ARID3B: variants seen among roughly 807,000 people sequenced by gnomAD.
The protein encoded by ARID3B is AT-rich interactive domain-containing protein 3B.
A neutral mutation model predicts 51.9 loss-of-function variants in ARID3B; 10 were observed. The ratio of observed to expected loss-of-function variants is 0.19; its 90% confidence interval spans 0.12 to 0.33. The LOEUF (loss-of-function observed/expected upper bound fraction) is 0.33. ARID3B is among the 10% of genes least tolerant of loss of function. The pLI, the probability that ARID3B is intolerant of heterozygous loss-of-function variation, is 1.00. For missense variants in ARID3B, 483 were observed against 716.3 expected (o/e 0.67, Z 3.72); for synonymous variants, 205 against 279.5 (o/e 0.73, Z 2.66).
rs1306381160 is a variant in ARID3B, at chr15:74,579,866, TGTGTGTGCGC to T, written c.697+6664_697+6673del. On this transcript the variant is annotated intron_variant, in intron 4 of 8. Transcript: ENST00000346246. ...GTGTGTGTGTGTGTGTGTGTGTGTG[TGTGTGTGCGC>T]GCGCGCGCACACGCAAAAAATACAC... Among the ~76,000 whole-genome samples, 216 of 126,730 alleles carry T rather than the reference TGTGTGTGCGC, an allele frequency of 1.7e-3. 2 individuals carry two copies. The highest frequency in any genetic ancestry group is 5.9e-3 in the African/African-American group (174 of 29,684). 83.1% of individuals were successfully genotyped at this position (126,730 alleles called of 152,430 possible).
intron 2 of ARID3B, among the ~76,000 whole-genome samples, chr15:74,571,796 T>C (rs2061719990): frequency 6.6e-6 from 1 of 152,096 alleles, no homozygotes; most frequent in Non-Finnish European, 1.5e-5. Flanking sequence ...AGATAACTGA[T>C]TGGAGGAATA....
At position 74,573,222 on chromosome 15, in the gene ARID3B, C is replaced by A. The variant is rs1301356078; in HGVS notation, c.697+18C>A. On this transcript the variant is annotated intron_variant, in intron 4 of 8. Transcript: ENST00000346246. Reference sequence around the variant, plus strand: ...GAAGAGGGGTGAGTGTGCATCTACTCATCATTCCAATTCAGGGAATACTGA... The same window carrying A: ...GAAGAGGGGTGAGTGTGCATCTACTAATCATTCCAATTCAGGGAATACTGA... The A allele has an allele frequency of 6.2e-7, 1 of 1,611,858 alleles. No homozygotes were observed. The highest frequency in any genetic ancestry group is 2.2e-5 in the East Asian group (1 of 44,870).
At chr15:74,551,495 C>T (rs560651107) in intron 2 of ARID3B, among the ~76,000 whole-genome samples, 2 of 152,308 alleles carry the variant, frequency 1.3e-5, no homozygotes, top group East Asian at 3.9e-4. Context: ...AGGCTAATTT[C>T]TCTACATGTG....
Position 74,597,955 on chromosome 15 carries a change from G to C in ARID3B, c.*2181G>C. ...AGCCAGGGCAGCTCTGTCCCCTCCT[G>C]CTCTCCATCTTATATGTATTCTAAC... On this transcript the variant is annotated 3_prime_UTR_variant, in exon 9 of 9. Transcript: ENST00000346246. 3.8e-6 allele frequency: 2 copies of C among 532,246 alleles called. No homozygotes were observed. The highest frequency in any genetic ancestry group is 7.3e-6 in the Non-Finnish European group (2 of 273,928). The allele number at this position is 532,246 out of a possible 1,614,324, so 33.0% of individuals were successfully genotyped here.
chr15:74,554,523 G>C (rs1029838376), intron 2 of ARID3B, among the ~76,000 whole-genome samples: 1 of 151,690 alleles, frequency 6.6e-6, no homozygotes, highest in African/African-American at 2.4e-5. Flanking sequence ...GGCTGGTCTT[G>C]AACTCCTGAC....
chr15:74,542,140 G>C (rs1464181049), intron 1 of ARID3B, among the ~76,000 whole-genome samples: 1 of 152,246 alleles, frequency 6.6e-6, no homozygotes, highest in Non-Finnish European at 1.5e-5. Flanking sequence ...TGGTTGAGAA[G>C]TTATTCCGAT....
chr15:74,590,112 G>A, intron 5 of ARID3B, 109 bp downstream of exon 5: 2 of 1,293,400 alleles, frequency 1.5e-6, no homozygotes, highest in Non-Finnish European at 2.1e-6. Context: ...CAAGATGAGT[G>A]GATTCCCGAA....
In ARID3B at chr15:74,596,795, GTTTTTT is replaced by G; in HGVS notation, c.*1026_*1031del. 4.6e-6 allele frequency: 1 copy of G among 218,098 alleles called. No homozygotes were observed. The highest frequency in any genetic ancestry group is 9.3e-6 in the Non-Finnish European group (1 of 107,422). The allele number at this position is 218,098 out of a possible 1,614,324, so 13.5% of individuals were successfully genotyped here. A position where few individuals can be genotyped will look rare whatever the true frequency, so the allele number is the denominator to read the frequency against. On this transcript the variant is annotated 3_prime_UTR_variant, in exon 9 of 9. Coordinates refer to ENST00000346246, the MANE Select transcript of ARID3B (RefSeq NM_006465.4). ...TTTTATATGTGTTTTGCTGACTTTT[GTTTTTT>G]TTTTATTTTAAAATTTTTATCGTAG...
intron 8 of ARID3B, 90 bp downstream of exon 8, chr15:74,593,326 T>C: frequency 1.7e-6 from 2 of 1,193,492 alleles, no homozygotes; most frequent in Non-Finnish European, 2.4e-6. Flanking sequence ...ACCCTCTGTC[T>C]GAACACCTCC....
intron 2 of ARID3B, among the ~76,000 whole-genome samples, chr15:74,553,291 A>G (rs114479796): frequency 0.017 from 2,599 of 152,290 alleles, 73 homozygotes; most frequent in African/African-American, 0.06. Context: ...GATCCTACTT[A>G]GATTTCTTCT....
At chr15:74,551,909 C>T (rs888034372) in intron 2 of ARID3B, among the ~76,000 whole-genome samples, 11 of 152,058 alleles carry the variant, frequency 7.2e-5, no homozygotes, top group Non-Finnish European at 1.5e-4. Flanking sequence ...TTCCATGTTG[C>T]TAAGCCCAGC....
intron 2 of ARID3B, among the ~76,000 whole-genome samples, chr15:74,564,640 A>G (rs1466733703): frequency 6.6e-6 from 1 of 152,112 alleles, no homozygotes; most frequent in East Asian, 1.9e-4. Context: ...TCACTCTGTC[A>G]CCTGGGCTGG....
chr15:74,576,592 G>A (rs893319248), intron 4 of ARID3B, among the ~76,000 whole-genome samples: 4 of 152,132 alleles, frequency 2.6e-5, no homozygotes, highest in African/African-American at 9.7e-5. Context: ...CGGGGACTTG[G>A]GGGCCGTCAT....
chr15:74,551,707 G>A (rs922526102), intron 2 of ARID3B, among the ~76,000 whole-genome samples: 2 of 152,204 alleles, frequency 1.3e-5, no homozygotes, highest in African/African-American at 4.8e-5. Context: ...AAGGAAATGA[G>A]AGACCACTTT....
rs1346587698 is a variant in ARID3B at position 74,591,119 on chromosome 15, A to G, written c.882-32A>G. 5.1e-6 allele frequency: 8 copies of G among 1,560,858 alleles called. No homozygotes were observed. The highest frequency in any genetic ancestry group is 6.1e-6 in the Non-Finnish European group (7 of 1,148,728). On this transcript the variant is annotated intron_variant, in intron 5 of 8. Coordinates refer to ENST00000346246, the MANE Select transcript of ARID3B (RefSeq NM_006465.4). The surrounding 1 kb of genome is among the most constrained non-coding windows in gnomAD (Gnocchi z 5.8). ...TGGGTGGTCTCTGGTGCTGTTTTGG[A>G]TTATTCTCCCTGCTTGCTTCCTTTC...
chr15:74,567,436 A>AT lies in ARID3B; in HGVS notation c.553-5412dup, dbSNP rs1046478197. Among the ~76,000 whole-genome samples the AT allele has an allele frequency of 4.1e-3, 593 of 144,252 alleles. 13 individuals carry two copies. In the East Asian group the frequency reaches 0.074, roughly 18 times the overall value. 94.6% of individuals were successfully genotyped at this position (144,252 alleles called of 152,430 possible). ...GGTAAGACTCCCAGTGGTGGGAACA[A>AT]TTTTTTTTTTTTTTAGTGGTATTCT... is the stretch of plus-strand genomic sequence containing the variant. On this transcript the variant is annotated intron_variant, in intron 2 of 8. Coordinates refer to ENST00000346246, the MANE Select transcript of ARID3B (RefSeq NM_006465.4).
At chr15:74,592,880 G>A (rs2061809080) in intron 7 of ARID3B, among the ~76,000 whole-genome samples, 2 of 152,220 alleles carry the variant, frequency 1.3e-5, no homozygotes, top group Admixed American at 6.5e-5. Flanking sequence ...GGCCGGAGCC[G>A]GCCTCCTTGC....
Position 74,595,681 on chromosome 15 carries a change from C to G in ARID3B, c.1590C>G (p.Ser530Arg). ...CTGCTCCCCAGAGCCTCGGCAGCAG[C>G]GCCAGCAGCAGCAGCAGCTCTCACT... ...TGSAPQSLGS[S>R]ASSSSSSHCS... The change falls in exon 9 of 9, where the codon AGC becomes AGG. Residue 530 changes from serine to arginine, a missense_variant. This residue lies in a region of ARID3B where 265 missense variants were observed against 354.4 expected (regional missense o/e 0.75). Transcript: ENST00000346246. 3 of 1,613,480 alleles carry G rather than the reference C, an allele frequency of 1.9e-6. No individual in the cohort carries two copies. Among genetic ancestry groups the G allele is most frequent in the Non-Finnish European group, 1.7e-6 (2 of 1,179,510 alleles).
Position 74,544,065 on chromosome 15 carries a change from C to A in ARID3B, c.129C>A (p.Ala43=), listed in dbSNP as rs749898323. ...QQMREAQFLY[A]QKLVTQPTLL... is the part of the protein sequence containing the mutation. ...TGAGAGAAGCCCAGTTCTTGTATGC[C>A]CAAAAGCTGGTCACACAGCCGACTC... Residue 43 remains alanine (A), a synonymous_variant, in exon 2 of 9, where the codon GCC becomes GCA. Transcript: ENST00000346246. 3.7e-6 allele frequency: 6 copies of A among 1,613,762 alleles called. No individual in the cohort carries two copies. The South Asian group carries it at 6.6e-5, about 18-fold the overall frequency.
Sources: gnomAD v4.1 joint callset for allele counts (sites outside exome capture counted in the v4.1 genomes callset) on GRCh38, gnomAD v4.1.1 for gene constraint, gnomAD v4.1.1 regional missense constraint, Gnocchi (gnomAD v3.1) non-coding constraint, MANE v1.5 for transcripts, NCBI Gene and HGNC (gene_info 2026-07-23, HGNC 2026-07-21) for gene names.